The following DNAAF10 variants were observed in gnomAD, a reference collection of about 807,000 sequenced individuals.
DNAAF10 encodes the protein WD repeat domain 92.
A neutral mutation model predicts 43.7 loss-of-function variants in DNAAF10; 28 were observed. The observed-to-expected ratio is 0.64, with a 90% confidence interval of 0.48 to 0.88. DNAAF10 has a LOEUF of 0.88. Among genes scored for constraint, DNAAF10 ranks in the 40% least tolerant of loss-of-function variants. The pLI is 0.00. For missense variants in DNAAF10, 403 were observed against 439.1 expected (o/e 0.92, Z 0.73); for synonymous variants, 156 against 157.3 (o/e 0.99, Z 0.06).
chr2:68,141,584 A>T, intron 4 of DNAAF10, 110 bp downstream of exon 4: 1 of 1,046,274 alleles, frequency 9.6e-7, no homozygotes, highest in Non-Finnish European at 1.4e-6. Context: ...TCAGTAAACT[A>T]TTAGAATAAT....
chr2:68,140,063 A>G (rs1287986808), intron 4 of DNAAF10, among the ~76,000 whole-genome samples: 1 of 152,196 alleles, frequency 6.6e-6, no homozygotes, highest in Non-Finnish European at 1.5e-5. Context: ...AGTAGTGTGG[A>G]TGATCATACC....
At chr2:68,147,609 G>C in intron 1 of DNAAF10, 42 bp from the exon 2 acceptor site, 1 of 1,442,120 alleles carries the variant, frequency 6.9e-7, no homozygotes, top group Non-Finnish European at 9.5e-7. Context: ...ATTTATGTAA[G>C]CAGATATTTA....
chr2:68,146,048 G>A (rs1307441811), intron 2 of DNAAF10, among the ~76,000 whole-genome samples: 15 of 152,156 alleles, frequency 9.9e-5, no homozygotes, highest in Admixed American at 9.8e-4. Context: ...GATCACCTGA[G>A]GTCAGGAGTT....
At chr2:68,136,319 A>G (rs928275542) in intron 6 of DNAAF10, among the ~76,000 whole-genome samples, 2 of 152,166 alleles carry the variant, frequency 1.3e-5, no homozygotes. Context: ...TTATACATGG[A>G]ACAGTTTAGT....
At chr2:68,138,988 C>T (rs1572919410) in intron 4 of DNAAF10, 131 bp from the exon 5 acceptor site, 3 of 644,822 alleles carry the variant, frequency 4.7e-6, no homozygotes, top group South Asian at 2.0e-5. Flanking sequence ...GGGTAGTATC[C>T]CATCTTACCA....
At position 68,157,400 on chromosome 2, in the gene DNAAF10, T is replaced by G; in HGVS notation, c.44A>C (p.Lys15Thr). The G allele has an allele frequency of 6.2e-7, 1 of 1,614,186 alleles. No individual in the cohort carries two copies. Among genetic ancestry groups the G allele is most frequent in the Non-Finnish European group, 8.5e-7 (1 of 1,180,048 alleles). ...EKPQIIAHIQ[K>T]GFNYTVFDCK... ...GTCAAACACCGTGTAGTTGAAGCCC[T>G]TCTGGATATGGGCGATGATCTGAGG... The change falls in exon 1 of 8, where the codon AAG becomes ACG. Residue 15 changes from lysine (K) to threonine (T), a missense_variant. Physicochemically the swap from Lys to Thr is moderately conservative, Grantham distance 78. Transcript: ENST00000295121.
Position 68,144,712 on chromosome 2 carries a change from A to G in DNAAF10, c.288T>C (p.Asn96=). ...GDFGGNLHIW[N]LEAPEMPVYS... ...ATACTGGCATCTCTGGAGCTTCTAA[A>G]TTCCTAAACAACAAACACAGCTTCT... The change falls in exon 3 of 8, where the codon AAT becomes AAC. Residue 96 remains asparagine (N), a synonymous_variant. Coordinates refer to ENST00000295121, the MANE Select transcript of DNAAF10 (RefSeq NM_138458.4). 1.2e-6 allele frequency: 2 copies of G among 1,608,708 alleles called. No homozygotes were observed. Among genetic ancestry groups the G allele is most frequent in the East Asian group, 2.2e-5 (1 of 44,810 alleles).
chr2:68,156,736 TA>T (rs1673627866), intron 1 of DNAAF10, among the ~76,000 whole-genome samples: 1 of 152,260 alleles, frequency 6.6e-6, no homozygotes, highest in Admixed American at 6.5e-5. Flanking sequence ...TAGTTTGACC[TA>T]GTTAGCTTCT....
intron 1 of DNAAF10, among the ~76,000 whole-genome samples, chr2:68,155,837 C>CTTT (rs1446363597): frequency 6.6e-6 from 1 of 152,138 alleles, no homozygotes; most frequent in Non-Finnish European, 1.5e-5. Context: ...TGGCTCACGC[C>CTTT]TGTAATCCCA....
At chr2:68,156,645 T>C (rs920231264) in intron 1 of DNAAF10, among the ~76,000 whole-genome samples, 3 of 152,230 alleles carry the variant, frequency 2.0e-5, no homozygotes, top group African/African-American at 7.2e-5. Flanking sequence ...CTTATCCCTC[T>C]AGTTTCTTAA....
In DNAAF10 at chr2:68,157,315, G is replaced by A. The variant is rs756931578; in HGVS notation, c.129C>T (p.Thr43=). ...GGATCTCGTACAGCTGAATGACGCC[G>A]GTGCCCCGTGCGAAGTTGCCCATGG... ...FVTMGNFARG[T]GVIQLYEIQH... is the part of the protein sequence containing the mutation. The change falls in exon 1 of 8, where the codon ACC becomes ACT. Residue 43 remains threonine (T), a synonymous_variant. Coordinates refer to ENST00000295121, the MANE Select transcript of DNAAF10 (RefSeq NM_138458.4). 25 of 1,614,010 alleles carry A rather than the reference G, an allele frequency of 1.5e-5. No individual in the cohort carries two copies. In the African/African-American group the frequency reaches 2.1e-4, roughly 14 times the overall value.
intron 7 of DNAAF10, 87 bp downstream of exon 7, chr2:68,134,615 G>C: frequency 1.3e-6 from 2 of 1,565,654 alleles, no homozygotes; most frequent in Non-Finnish European, 1.7e-6. Flanking sequence ...AGTCAAAGCA[G>C]GAAAAAAAAG....
intron 7 of DNAAF10, among the ~76,000 whole-genome samples, chr2:68,133,621 C>T (rs376247883): frequency 3.2e-4 from 48 of 152,076 alleles, no homozygotes; most frequent in African/African-American, 1.1e-3. Flanking sequence ...GGCGTCGTGG[C>T]GGGCACCTGT....
At chr2:68,144,088 G>C (rs1209838359) in intron 3 of DNAAF10, among the ~76,000 whole-genome samples, 1 of 152,172 alleles carries the variant, frequency 6.6e-6, no homozygotes, top group Non-Finnish European at 1.5e-5. Context: ...CAAAAGACCT[G>C]GCCCTTGTTG....
chr2:68,139,367 G>A (rs1673123071), intron 4 of DNAAF10, among the ~76,000 whole-genome samples: 1 of 152,004 alleles, frequency 6.6e-6, no homozygotes, highest in Non-Finnish European at 1.5e-5. Context: ...GCAGATACTG[G>A]CACCATGCTT....
chr2:68,146,210 C>A (rs1032460127), intron 2 of DNAAF10, among the ~76,000 whole-genome samples: 1 of 152,006 alleles, frequency 6.6e-6, no homozygotes, highest in Non-Finnish European at 1.5e-5. Context: ...TGCAGTGAGC[C>A]GAGATCGCAT....
intron 4 of DNAAF10, among the ~76,000 whole-genome samples, chr2:68,139,165 T>A (rs1239549443): frequency 6.6e-6 from 1 of 152,146 alleles, no homozygotes; most frequent in Non-Finnish European, 1.5e-5. Flanking sequence ...TGGGGCTGGA[T>A]CCCTCGTGAA....
chr2:68,143,445 G>C (rs1403914256), intron 3 of DNAAF10, among the ~76,000 whole-genome samples: 1 of 152,104 alleles, frequency 6.6e-6, no homozygotes, highest in African/African-American at 2.4e-5. Flanking sequence ...AGCCCCCAAA[G>C]TTGTGGGATT....
intron 5 of DNAAF10, among the ~76,000 whole-genome samples, chr2:68,138,394 C>G (rs72908873): frequency 0.041 from 6,256 of 152,186 alleles, 369 homozygotes; most frequent in African/African-American, 0.13. Context: ...AAAATCTGAG[C>G]TGGGGAGGTG....
Sources: gnomAD v4.1 joint callset for allele counts (sites outside exome capture counted in the v4.1 genomes callset) on GRCh38, gnomAD v4.1.1 for gene constraint, MANE v1.5 for transcripts, NCBI Gene and HGNC (gene_info 2026-07-23, HGNC 2026-07-21) for gene names.